The following MAGI2 variants were observed in gnomAD, a reference collection of about 807,000 sequenced individuals.
MAGI2 encodes membrane associated guanylate kinase, WW and PDZ domain containing 2.
In MAGI2, 35 loss-of-function variants were observed where a neutral mutation model predicts 133.3. The ratio of observed to expected loss-of-function variants is 0.26; its 90% CI spans 0.20 to 0.35. The LOEUF is 0.35. MAGI2 is among the 10% of genes least tolerant of loss of function. The probability of loss-of-function intolerance (pLI) is 1.00; values close to 1 mark genes in which losing one functional copy is unlikely to be tolerated. For synonymous variants in MAGI2, 729 were observed against 710.6 expected (o/e 1.03, Z -0.41); for missense variants, 1,636 against 1,863.4 (o/e 0.88, Z 2.25).
intron 21 of MAGI2, among the ~76,000 whole-genome samples, chr7:78,032,429 G>A (rs569471115): frequency 6.6e-6 from 1 of 152,156 alleles, no homozygotes; most frequent in Admixed American, 6.5e-5. Flanking sequence ...TGCCCAGGAT[G>A]GTCTTGAACT....
chr7:79,270,880 C>T (rs536970180), intron 1 of MAGI2, among the ~76,000 whole-genome samples: 1 of 151,990 alleles, frequency 6.6e-6, no homozygotes, highest in Non-Finnish European at 1.5e-5. Context: ...CCTGTTATTT[C>T]AGCTACATTT....
rs142730742 is a variant in MAGI2, at chr7:78,867,696, TAAAG to T, written c.418+139390_418+139393del. ...CCTAAAACTTAAAGTATAATAATAA[TAAAG>T]AAAGAAAGAAAGAAAGAAAGAAAAT... On this transcript the variant is annotated intron_variant, in intron 2 of 21. Transcript: ENST00000354212. Among the ~76,000 whole-genome samples, 130 of 149,730 alleles carry T rather than the reference TAAAG, an allele frequency of 8.7e-4. 1 individual carries two copies. Among genetic ancestry groups the T allele is most frequent in the Middle Eastern group, 3.4e-3 (1 of 290 alleles).
intron 6 of MAGI2, among the ~76,000 whole-genome samples, chr7:78,452,460 G>T (rs150113533): frequency 3.4e-4 from 51 of 151,908 alleles, no homozygotes; most frequent in Non-Finnish European, 7.4e-5. Context: ...TTAATTCTAG[G>T]ATAAGAACAC....
chr7:79,068,004 T>C (rs571850681), intron 1 of MAGI2, among the ~76,000 whole-genome samples: 1 of 152,328 alleles, frequency 6.6e-6, no homozygotes, highest in South Asian at 2.1e-4. Flanking sequence ...GGATTCAGTT[T>C]GCCAGTATTT....
intron 2 of MAGI2, among the ~76,000 whole-genome samples, chr7:78,779,738 C>T (rs1291663455): frequency 1.3e-5 from 2 of 152,134 alleles, no homozygotes; most frequent in Non-Finnish European, 2.9e-5. Flanking sequence ...AACATCAAAC[C>T]GTATTAGTCC....
At chr7:79,255,735 G>T (rs1031215349) in intron 1 of MAGI2, among the ~76,000 whole-genome samples, 46 of 152,026 alleles carry the variant, frequency 3.0e-4, no homozygotes, top group African/African-American at 1.1e-3. Flanking sequence ...AAGCTAGACG[G>T]TCTACAGAAC....
chr7:79,329,748 T>G (rs1032631651), intron 1 of MAGI2, among the ~76,000 whole-genome samples: 7 of 152,224 alleles, frequency 4.6e-5, no homozygotes, highest in Non-Finnish European at 8.8e-5. Flanking sequence ...TTTGCTCATA[T>G]CACGTTATTG....
intron 2 of MAGI2, among the ~76,000 whole-genome samples, chr7:78,922,686 A>C (rs1177966408): frequency 1.3e-5 from 2 of 152,164 alleles, no homozygotes; most frequent in Admixed American, 1.3e-4. Flanking sequence ...AGCATGATTT[A>C]TAGTCCTTTG....
chr7:78,953,774 C>T (rs1802062228), intron 2 of MAGI2, among the ~76,000 whole-genome samples: 1 of 152,084 alleles, frequency 6.6e-6, no homozygotes, highest in Admixed American at 6.6e-5. Flanking sequence ...TTCTTTAAAG[C>T]TGATTCTGCA....
chr7:78,886,993 C>T (rs1336525928), intron 2 of MAGI2, among the ~76,000 whole-genome samples: 1 of 152,062 alleles, frequency 6.6e-6, no homozygotes, highest in Admixed American at 6.6e-5. Context: ...CTTTGCTGGG[C>T]ACTTCTCCTT....
chr7:78,780,880 A>G (rs953806122), intron 2 of MAGI2, among the ~76,000 whole-genome samples: 1 of 152,238 alleles, frequency 6.6e-6, no homozygotes, highest in African/African-American at 2.4e-5. Context: ...TCTAGAATAA[A>G]AGTAAGATGA....
chr7:78,924,348 T>G (rs1305240886), intron 2 of MAGI2, among the ~76,000 whole-genome samples: 1 of 152,176 alleles, frequency 6.6e-6, no homozygotes, highest in African/African-American at 2.4e-5. Context: ...AGATAGCTCT[T>G]ATTATTTTGA....
At chr7:78,094,418 T>C (rs1010864932) in intron 20 of MAGI2, among the ~76,000 whole-genome samples, 4 of 152,340 alleles carry the variant, frequency 2.6e-5, no homozygotes, top group African/African-American at 9.6e-5. Context: ...ATATTGCTAC[T>C]TGTGGAGGCT....
chr7:78,421,043 A>G (rs1359088026), intron 6 of MAGI2, among the ~76,000 whole-genome samples: 4 of 152,196 alleles, frequency 2.6e-5, no homozygotes, highest in Non-Finnish European at 5.9e-5. Context: ...CATTCATCCA[A>G]GAGTTTTGAA....
chr7:78,582,723 C>T (rs1802963945), intron 3 of MAGI2, among the ~76,000 whole-genome samples: 1 of 152,208 alleles, frequency 6.6e-6, no homozygotes, highest in African/African-American at 2.4e-5. Flanking sequence ...TTTCAGGACA[C>T]ATTTGTTACG....
At chr7:78,445,163 G>A (rs943615595) in intron 6 of MAGI2, among the ~76,000 whole-genome samples, 4 of 151,782 alleles carry the variant, frequency 2.6e-5, no homozygotes, top group South Asian at 2.1e-4. Context: ...CTTTAGTCAC[G>A]TCTAGTGAAT....
chr7:78,936,979 T>C (rs1800566631), intron 2 of MAGI2, among the ~76,000 whole-genome samples: 1 of 152,102 alleles, frequency 6.6e-6, no homozygotes, highest in South Asian at 2.1e-4. Context: ...CCAGTAACAA[T>C]GAATACATCT....
chr7:78,581,149 C>T (rs1412548088), intron 3 of MAGI2, among the ~76,000 whole-genome samples: 5 of 152,078 alleles, frequency 3.3e-5, no homozygotes, highest in Admixed American at 3.3e-4. Context: ...TGGTGAGTGC[C>T]AGCAGAAATA....
At chr7:78,923,577 T>C (rs557916442) in intron 2 of MAGI2, among the ~76,000 whole-genome samples, 2 of 152,338 alleles carry the variant, frequency 1.3e-5, no homozygotes, top group East Asian at 1.9e-4. Flanking sequence ...ACCAGTACCA[T>C]GCTGTTTTGA....
Sources: allele counts gnomAD v4.1 joint callset (sites outside exome capture counted in the v4.1 genomes callset), GRCh38; gene constraint gnomAD v4.1.1; transcripts MANE v1.5; gene names NCBI Gene and HGNC (gene_info 2026-07-23, HGNC 2026-07-21).